EPB41L5: variants seen among roughly 807,000 people sequenced by gnomAD.
EPB41L5 encodes band 4.1-like protein 5.
A neutral mutation model predicts 106.6 loss-of-function variants in EPB41L5; 55 were observed. The observed-to-expected ratio is 0.52, with a 90% CI of 0.42 to 0.65. The LOEUF (loss-of-function observed/expected upper bound fraction) is 0.65. Ranked by LOEUF, EPB41L5 falls within the 30% of genes least tolerant of loss-of-function variation. The pLI is 0.00. For synonymous variants in EPB41L5, 297 were observed against 306.7 expected (o/e 0.97, Z 0.33); for missense variants, 871 against 882.1 (o/e 0.99, Z 0.16).
rs540242398 is a variant in EPB41L5 at position 120,077,408 on chromosome 2, G to A, written c.714+92G>A. 8 of 1,035,718 alleles carry A rather than the reference G, an allele frequency of 7.7e-6. No individual in the cohort carries two copies. In the East Asian group the frequency reaches 1.7e-4, roughly 23 times the overall value. The allele number at this position is 1,035,718 out of a possible 1,614,324, so 64.2% of individuals were successfully genotyped here. A position where few individuals can be genotyped will look rare whatever the true frequency, so the allele number is the denominator to read the frequency against. On this transcript the variant is annotated intron_variant, in intron 9 of 24. Transcript: ENST00000263713. ...TTTTCAGTATGAGGGAGGGCATGGAGTTTGCATAAGCTAGCACTGGGTACT... is the reference window on the plus strand; with the variant it reads ...TTTTCAGTATGAGGGAGGGCATGGAATTTGCATAAGCTAGCACTGGGTACT...
At chr2:120,122,630 T>C (rs994103440) in intron 16 of EPB41L5, among the ~76,000 whole-genome samples, 1 of 152,216 alleles carries the variant, frequency 6.6e-6, no homozygotes, top group African/African-American at 2.4e-5. Context: ...GCTTTGTTCT[T>C]TTTGCTTAGG....
chr2:120,090,814 C>T (rs1466248316), intron 12 of EPB41L5, among the ~76,000 whole-genome samples: 1 of 152,184 alleles, frequency 6.6e-6, no homozygotes, highest in East Asian at 1.9e-4. Flanking sequence ...ACTCTCCACC[C>T]ACCACTGGAT....
At chr2:120,157,864 T>G (rs1401104986) in intron 20 of EPB41L5, among the ~76,000 whole-genome samples, 1 of 149,726 alleles carries the variant, frequency 6.7e-6, no homozygotes, top group African/African-American at 2.5e-5. Flanking sequence ...GGTAGACTAA[T>G]GAAGAAAAGA....
intron 10 of EPB41L5, among the ~76,000 whole-genome samples, chr2:120,085,537 G>T (rs1682999338): frequency 6.6e-6 from 1 of 152,226 alleles, no homozygotes; most frequent in African/African-American, 2.4e-5. Flanking sequence ...GTGCCTCCCA[G>T]TTAGGCTACT....
At position 120,143,055 on chromosome 2, in the gene EPB41L5, C is replaced by T. The variant is rs1261623804; in HGVS notation, c.1652C>T (p.Pro551Leu). The T allele has an allele frequency of 6.2e-7, 1 of 1,612,266 alleles. No individual in the cohort carries two copies. The highest frequency in any genetic ancestry group is 8.5e-7 in the Non-Finnish European group (1 of 1,179,178). ...TGCCTTAATAATGTCATTGAGAGCC[C>T]AGGATTGAATGTCATGAGAGTTCCT... ...EKCLNNVIESPGLNVMRVPPD... is the reference protein window; with the variant it reads ...EKCLNNVIESLGLNVMRVPPD... Residue 551 changes from proline to leucine, a missense_variant, in exon 19 of 25, where the codon CCA (proline) becomes CTA (leucine). By Grantham distance (98) the Pro-to-Leu change is moderately conservative. Coordinates refer to ENST00000263713, the MANE Select transcript of EPB41L5 (RefSeq NM_020909.4).
chr2:120,138,057 A>G (rs572424078), intron 18 of EPB41L5, among the ~76,000 whole-genome samples: 7 of 152,230 alleles, frequency 4.6e-5, no homozygotes, highest in African/African-American at 1.7e-4. Context: ...TAGCACATGT[A>G]AATCAATCAA....
intron 3 of EPB41L5, among the ~76,000 whole-genome samples, chr2:120,062,326 TGAA>T (rs1018969799): frequency 6.6e-6 from 1 of 152,182 alleles, no homozygotes; most frequent in African/African-American, 2.4e-5. Context: ...ACTAAAAAGT[TGAA>T]GGAGTAAGTC....
chr2:120,177,159 A>C lies in EPB41L5; in HGVS notation c.*2252A>C, dbSNP rs1272096931. 6.6e-6 allele frequency: 1 copy of C among 152,258 alleles called. No individual in the cohort carries two copies. Among genetic ancestry groups the C allele is most frequent in the Non-Finnish European group, 1.5e-5 (1 of 68,096 alleles). The allele number at this position is 152,258 out of a possible 1,614,324, so 9.4% of individuals were successfully genotyped here. A position where few individuals can be genotyped will look rare whatever the true frequency, so the allele number is the denominator to read the frequency against. On this transcript the variant is annotated 3_prime_UTR_variant, in exon 25 of 25. Coordinates refer to ENST00000263713, the MANE Select transcript of EPB41L5 (RefSeq NM_020909.4). ...CAGCTCTTCCTGTTCTGCTCCCCTG[A>C]GAACAGTGTGGTGGGGAGAGGCAGG... is the stretch of plus-strand genomic sequence containing the variant.
chr2:120,174,386 G>T (rs1355994251), intron 24 of EPB41L5, among the ~76,000 whole-genome samples: 1 of 152,016 alleles, frequency 6.6e-6, no homozygotes, highest in Non-Finnish European at 1.5e-5. Flanking sequence ...GATCATTTGA[G>T]CCTGGGATGT....
At chr2:120,069,186 G>T (rs1210612553) in intron 3 of EPB41L5, among the ~76,000 whole-genome samples, 2 of 139,190 alleles carry the variant, frequency 1.4e-5, no homozygotes, top group African/African-American at 2.8e-5. Context: ...TGCAATCCTA[G>T]GCTCTGATAA....
At chr2:120,014,985 A>C (rs373725242) in intron 1 of EPB41L5, among the ~76,000 whole-genome samples, 3 of 138,040 alleles carry the variant, frequency 2.2e-5, no homozygotes, top group East Asian at 2.1e-4. Context: ...AAAAAAAAAA[A>C]CCCACAACTT....
intron 14 of EPB41L5, among the ~76,000 whole-genome samples, chr2:120,098,156 T>TGTGTGTG (rs146897019): frequency 7.5e-6 from 1 of 133,670 alleles, no homozygotes; most frequent in Non-Finnish European, 1.6e-5. Context: ...ATTGTTTGTT[T>TGTGTGTG]TGTGTGTGTG....
intron 20 of EPB41L5, among the ~76,000 whole-genome samples, chr2:120,159,251 C>T (rs1687031346): frequency 6.7e-6 from 1 of 148,944 alleles, no homozygotes; most frequent in Non-Finnish European, 1.5e-5. Context: ...AGTGAAACCC[C>T]GTCTCTACTA....
At chr2:120,073,567 A>G (rs1489933968) in intron 4 of EPB41L5, among the ~76,000 whole-genome samples, 1 of 152,190 alleles carries the variant, frequency 6.6e-6, no homozygotes. Flanking sequence ...AGACTTTGTG[A>G]TATTTTAAAA....
intron 14 of EPB41L5, among the ~76,000 whole-genome samples, 162 bp from the exon 15 acceptor site, chr2:120,100,082 G>C (rs1213384864): frequency 6.6e-6 from 1 of 152,198 alleles, no homozygotes; most frequent in East Asian, 1.9e-4. Context: ...TCAGGTATCT[G>C]ACATTCTTAG....
chr2:120,163,265 C>G (rs1409990206), intron 21 of EPB41L5, among the ~76,000 whole-genome samples: 2 of 137,662 alleles, frequency 1.5e-5, no homozygotes, highest in African/African-American at 5.4e-5. Context: ...TCTGCCCCCC[C>G]CCCCCCCAAA....
chr2:120,103,684 G>A (rs906170324), intron 16 of EPB41L5, among the ~76,000 whole-genome samples: 1 of 152,078 alleles, frequency 6.6e-6, no homozygotes, highest in Admixed American at 6.6e-5. Flanking sequence ...AATATTTGAA[G>A]TTAAGTAGAT....
At chr2:120,017,832 C>G (rs967324029) in intron 1 of EPB41L5, among the ~76,000 whole-genome samples, 14 of 152,192 alleles carry the variant, frequency 9.2e-5, no homozygotes, top group African/African-American at 3.4e-4. Context: ...GAATCTCCCT[C>G]TGCCACCCGG....
At chr2:120,042,782 G>A (rs1052751312) in intron 3 of EPB41L5, among the ~76,000 whole-genome samples, 1 of 151,994 alleles carries the variant, frequency 6.6e-6, no homozygotes, top group Admixed American at 6.6e-5. Flanking sequence ...CAAATAATTG[G>A]GATTAGGTAG....
Sources: allele counts gnomAD v4.1 joint callset (sites outside exome capture counted in the v4.1 genomes callset), GRCh38; gene constraint gnomAD v4.1.1; transcripts MANE v1.5; gene names NCBI Gene and HGNC (gene_info 2026-07-23, HGNC 2026-07-21).